The following PKD1 variants were observed in gnomAD, a reference collection of about 807,000 sequenced individuals.
PKD1 encodes the protein polycystin-1.
In PKD1, 81 loss-of-function variants were observed where a neutral mutation model predicts 361.7. The observed-to-expected ratio is 0.22, with a 90% CI of 0.19 to 0.27. The LOEUF is 0.27. PKD1 is among the 10% of genes least tolerant of loss of function. The pLI is 1.00. For synonymous variants in PKD1, 3,615 were observed against 2,818.3 expected (o/e 1.28, Z -8.95); for missense variants, 6,399 against 6,118.3 (o/e 1.05, Z -1.53).
Position 2,093,899 on chromosome 16 carries a change from G to A in PKD1, c.10733C>T (p.Ala3578Val), listed in dbSNP as rs201209708. 37 of 1,578,382 alleles carry A rather than the reference G, an allele frequency of 2.3e-5. No homozygotes were observed. Among genetic ancestry groups the A allele is most frequent in the East Asian group, 4.6e-5 (2 of 43,310 alleles). Reference protein sequence around the residue: ...VAVAVSGWVGASFPPGVSVAW... With the variant: ...VAVAVSGWVGVSFPPGVSVAW... ...AACACTCACGCCCGGGGGGAAGCTC[G>A]CACCCACCCACCCTGAGACAGCCAC... The change falls in exon 36 of 46, where the codon GCG becomes GTG. Residue 3578 changes from alanine (A) to valine (V), a missense_variant. Ala to Val is a moderately conservative substitution (Grantham distance 64). Transcript: ENST00000262304.
In PKD1 at chr16:2,112,879, C is replaced by T. The variant is rs1224116560; in HGVS notation, c.3070G>A (p.Val1024Ile). ...GACAGCACGGCCGGCACTGTGGAGA[C>T]CTGCAGACCCTGCATCCTGTTCATC... Reference protein sequence around the residue: ...ERMNRMQGLQVSTVPAVLSPN... With the variant: ...ERMNRMQGLQISTVPAVLSPN... Residue 1024 changes from valine (V) to isoleucine (I), a missense_variant, in exon 13 of 46, where the codon GTC becomes ATC. Val to Ile is a conservative substitution (Grantham distance 29). Transcript: ENST00000262304. 9 of 1,606,982 alleles carry T rather than the reference C, an allele frequency of 5.6e-6. No homozygotes were observed. Among genetic ancestry groups the T allele is most frequent in the South Asian group, 4.4e-5 (4 of 90,988 alleles).
chr16:2,126,874 T>A (rs1446740891), intron 1 of PKD1, among the ~76,000 whole-genome samples: 1 of 152,128 alleles, frequency 6.6e-6, no homozygotes, highest in East Asian at 1.9e-4. Flanking sequence ...AACCACCCCA[T>A]ACCCTAGGGG....
At chr16:2,092,012 T>G (rs772756642) in intron 40 of PKD1, 35 bp downstream of exon 40, 1 of 1,612,624 alleles carries the variant, frequency 6.2e-7, no homozygotes. Context: ...TCCCTTGTCC[T>G]TGGCGTAGAC....
In PKD1 at chr16:2,089,688, C is replaced by T. The variant is rs1325564344; in HGVS notation, c.*39G>A. 76 of 1,550,774 alleles carry T rather than the reference C, an allele frequency of 4.9e-5. No individual in the cohort carries two copies. The highest frequency in any genetic ancestry group is 6.3e-5 in the Non-Finnish European group (72 of 1,147,680). ...GCAGAAAGTAATACTGAGCGGTGTCCACTCCGACTCCACGGCCCACCCCCG... is the reference window on the plus strand; with the variant it reads ...GCAGAAAGTAATACTGAGCGGTGTCTACTCCGACTCCACGGCCCACCCCCG... On this transcript the variant is annotated 3_prime_UTR_variant, in exon 46 of 46. Transcript: ENST00000262304.
In PKD1 at chr16:2,111,063, C is replaced by T. The variant is rs745896866; in HGVS notation, c.4104G>A (p.Ala1368=). The change falls in exon 15 of 46, where the codon GCG becomes GCA. Residue 1368 remains alanine (A), a synonymous_variant. Coordinates refer to ENST00000262304, the MANE Select transcript of PKD1 (RefSeq NM_001009944.3). ...ALVLSSRVNR[A]HYFTSICVEP... is the part of the protein sequence containing the mutation. Reference sequence around the variant, plus strand: ...CCACGCAGATGCTGGTGAAGTAATGCGCCCTGTTCACGCGGCTGGACAGCA... The same window carrying T: ...CCACGCAGATGCTGGTGAAGTAATGTGCCCTGTTCACGCGGCTGGACAGCA... 1.9e-5 allele frequency: 31 copies of T among 1,610,536 alleles called. No individual in the cohort carries two copies. The East Asian group carries it at 3.8e-4, about 20-fold the overall frequency.
At position 2,111,597 on chromosome 16, in the gene PKD1, G is replaced by A; in HGVS notation, c.3570C>T (p.Arg1190=). ...TYASRGTYHV[R]LEVNNTVSGA... ...CGCTCACCGTGTTGTTGACCTCCAG[G>A]CGCACGTGGTAGGTGCCCCTCGAGG... is the stretch of plus-strand genomic sequence containing the variant. Residue 1190 remains arginine (R), a synonymous_variant, in exon 15 of 46, where the codon CGC becomes CGT. Coordinates refer to ENST00000262304, the MANE Select transcript of PKD1 (RefSeq NM_001009944.3). The A allele has an allele frequency of 1.3e-6, 2 of 1,573,428 alleles. No homozygotes were observed. Among genetic ancestry groups the A allele is most frequent in the Non-Finnish European group, 8.6e-7 (1 of 1,160,630 alleles).
In PKD1 at chr16:2,118,356, G is replaced by A. The variant is rs777396866; in HGVS notation, c.636C>T (p.Ala212=). 10 of 1,364,972 alleles carry A rather than the reference G, an allele frequency of 7.3e-6. 1 individual carries two copies. The Middle Eastern group carries it at 9.8e-4, about 134-fold the overall frequency. 84.6% of individuals were successfully genotyped at this position (1,364,972 alleles called of 1,614,324 possible). The part of the protein sequence containing the change: ...EGLLQPEACS[A]FCFSTGQGLA... ...GGCCCTGGCCGGTGGAGAAGCAGAA[G>A]GCGCTGCAGGCCTCTGGCTGAAGCA... Residue 212 remains alanine (A), a synonymous_variant, in exon 5 of 46, where the codon GCC becomes GCT. Coordinates refer to ENST00000262304, the MANE Select transcript of PKD1 (RefSeq NM_001009944.3). The surrounding 1 kb of genome is among the most constrained non-coding windows in gnomAD (Gnocchi z 6.0).
chr16:2,090,951 T>C lies in PKD1; in HGVS notation c.11936A>G (p.Gln3979Arg), dbSNP rs774317529. ...GGCTGCGGAGCTCAGCTGCGCCACC[T>C]GGTCGAAGCTAGTGAAGCGGCGCGG... is the stretch of plus-strand genomic sequence containing the variant. The part of the protein sequence containing the change: ...GRPRRFTSFD[Q>R]VAQLSSAARG... The change falls in exon 43 of 46, where the codon CAG (glutamine) becomes CGG (arginine). Residue 3979 changes from glutamine (Q) to arginine (R), a missense_variant. By Grantham distance (43) the Gln-to-Arg change is conservative (BLOSUM62 1). Coordinates refer to ENST00000262304, the MANE Select transcript of PKD1 (RefSeq NM_001009944.3). 2 of 1,562,556 alleles carry C rather than the reference T, an allele frequency of 1.3e-6. No individual in the cohort carries two copies. Among genetic ancestry groups the C allele is most frequent in the Middle Eastern group, 1.7e-4 (1 of 6,020 alleles).
At position 2,110,270 on chromosome 16, in the gene PKD1, C is replaced by G; in HGVS notation, c.4897G>C (p.Glu1633Gln). The G allele has an allele frequency of 1.2e-6, 2 of 1,612,186 alleles. No individual in the cohort carries two copies. The highest frequency in any genetic ancestry group is 1.7e-6 in the Non-Finnish European group (2 of 1,179,448). The change falls in exon 15 of 46, where the codon GAG (glutamate) becomes CAG (glutamine). Residue 1633 changes from glutamate (E) to glutamine (Q), a missense_variant. Glu to Gln is a conservative substitution (Grantham distance 29, BLOSUM62 2). Coordinates refer to ENST00000262304, the MANE Select transcript of PKD1 (RefSeq NM_001009944.3). ...CCACCGCCCACCACCTGCAGCCCCT[C>G]TATGAGCTGCAGGACATAGACGAAG... is the stretch of plus-strand genomic sequence containing the variant. ...SIFVYVLQLIEGLQVVGGGRY... is the reference protein window; with the variant it reads ...SIFVYVLQLIQGLQVVGGGRY...
In PKD1 at chr16:2,093,936, C is replaced by T; in HGVS notation, c.10696G>A (p.Val3566Met). 2 of 1,586,226 alleles carry T rather than the reference C, an allele frequency of 1.3e-6. No homozygotes were observed. The highest frequency in any genetic ancestry group is 2.3e-5 in the East Asian group (1 of 43,898). The stretch of plus-strand genomic sequence containing the variant: ...CCTGAGACAGCCACAGCCACAGCCA[C>T]CAGGAGCAGGCTGAGCCCGTGGGCC... Reference protein sequence around the residue: ...SLAHGLSLLLVAVAVAVSGWV... With the variant: ...SLAHGLSLLLMAVAVAVSGWV... Residue 3566 changes from valine (V) to methionine (M), a missense_variant, in exon 36 of 46, where the codon GTG becomes ATG. Transcript: ENST00000262304.
chr16:2,120,516 G>A (rs1314709161), intron 1 of PKD1, among the ~76,000 whole-genome samples: 3 of 152,096 alleles, frequency 2.0e-5, no homozygotes, highest in African/African-American at 7.2e-5. Context: ...AGGATGGACA[G>A]CATAGCAAGA....
chr16:2,109,714 G>A lies in PKD1; in HGVS notation c.5453C>T (p.Ala1818Val), dbSNP rs746910149. Residue 1818 changes from alanine to valine, a missense_variant, in exon 15 of 46, where the codon GCG (alanine) becomes GTG (valine). Ala to Val is a moderately conservative substitution (Grantham distance 64, BLOSUM62 0). Transcript: ENST00000262304. ...CCAAAAGGGCACAGAGGACCCGGCC[G>A]CCACGAAGCTGCCTCCGGGCTCGCT... ...RASEPGGSFV[A>V]AGSSVPFWGQ... 90 of 1,602,868 alleles carry A rather than the reference G, an allele frequency of 5.6e-5. No homozygotes were observed. The highest frequency in any genetic ancestry group is 4.7e-5 in the Non-Finnish European group (55 of 1,176,328).
chr16:2,092,753 TTGTC>T, intron 38 of PKD1, 161 bp from the exon 39 acceptor site: 1 of 828,488 alleles, frequency 1.2e-6, no homozygotes, highest in South Asian at 1.4e-5. Flanking sequence ...GGGCAGACAG[TTGTC>T]TGTCATGGGC....
chr16:2,098,188 G>A (rs1459386782), intron 30 of PKD1: 9 of 600,298 alleles, frequency 1.5e-5, no homozygotes, highest in African/African-American at 3.7e-5. Flanking sequence ...GCAGACTGGT[G>A]CAGCTAAGGA....
At chr16:2,093,297 C>T (rs932644799) in intron 37 of PKD1, 1 of 697,958 alleles carries the variant, frequency 1.4e-6, no homozygotes, top group South Asian at 1.8e-5. Context: ...ACACAGGCCA[C>T]TGCAGTGGTG....
intron 16 of PKD1, chr16:2,107,220 G>A (rs1311628852): frequency 5.8e-6 from 3 of 520,012 alleles, no homozygotes; most frequent in East Asian, 3.4e-5. Context: ...TGCTCACTGA[G>A]GGCCCCTGGG....
Position 2,109,478 on chromosome 16 carries a change from T to C in PKD1, c.5689A>G (p.Lys1897Glu). Reference sequence around the variant, plus strand: ...ACCAGCTGCCCGGGCGCCACCACCTTGCTGCTGGCCCACAGCACCAGGCCC... The same window carrying C: ...ACCAGCTGCCCGGGCGCCACCACCTCGCTGCTGGCCCACAGCACCAGGCCC... ...IVGLVLWASS[K>E]VVAPGQLVHF... The change falls in exon 15 of 46, where the codon AAG becomes GAG. Residue 1897 changes from lysine (K) to glutamate (E), a missense_variant. Coordinates refer to ENST00000262304, the MANE Select transcript of PKD1 (RefSeq NM_001009944.3). The C allele has an allele frequency of 6.2e-7, 1 of 1,609,176 alleles. No individual in the cohort carries two copies. The highest frequency in any genetic ancestry group is 8.5e-7 in the Non-Finnish European group (1 of 1,179,352).
rs927594751 is a variant in PKD1 at position 2,091,707 on chromosome 16, G to GC, written c.11537+73dup. ...GTGGAAGCCGCCTAGGCCAGCGGGG[G>GC]CCGGAGGAGTGAGGGTGGGCTCCTG... On this transcript the variant is annotated intron_variant, in intron 41 of 45. Coordinates refer to ENST00000262304, the MANE Select transcript of PKD1 (RefSeq NM_001009944.3). 8.6e-5 allele frequency: 137 copies of GC among 1,583,934 alleles called. 2 individuals carry two copies. The South Asian group carries it at 1.4e-3, about 16-fold the overall frequency.
rs1391096290 is a variant in PKD1, at chr16:2,108,689, G to A, written c.6478C>T (p.Leu2160=). The A allele has an allele frequency of 6.4e-6, 10 of 1,569,190 alleles. No homozygotes were observed. Among genetic ancestry groups the A allele is most frequent in the Non-Finnish European group, 8.6e-6 (10 of 1,158,072 alleles). The change falls in exon 15 of 46, where the codon CTG becomes TTG. Residue 2160 remains leucine (L), a synonymous_variant. Transcript: ENST00000262304. ...EVDVVLPLQV[L]MRRSQRNYLE... ...TAGTTGCGCTGTGATCGCCGCATCAGCACCTGCAGGGGCAGGACCACGTCC... is the reference window on the plus strand; with the variant it reads ...TAGTTGCGCTGTGATCGCCGCATCAACACCTGCAGGGGCAGGACCACGTCC...
Sources: gnomAD v4.1 joint callset for allele counts (sites outside exome capture counted in the v4.1 genomes callset) on GRCh38, gnomAD v4.1.1 for gene constraint, Gnocchi (gnomAD v3.1) non-coding constraint, MANE v1.5 for transcripts, NCBI Gene and HGNC (gene_info 2026-07-23, HGNC 2026-07-21) for gene names.